DNHD1: variants seen among roughly 807,000 people sequenced by gnomAD.
The protein encoded by DNHD1 is dynein heavy chain domain-containing protein 1.
A neutral mutation model predicts 458.1 loss-of-function variants in DNHD1; 383 were observed. The ratio of observed to expected loss-of-function variants is 0.84; its 90% CI spans 0.77 to 0.91. DNHD1 has a LOEUF of 0.91. Ranked by LOEUF, DNHD1 falls within the 40% of genes least tolerant of loss-of-function variation. The pLI is 0.00. For synonymous variants in DNHD1, 2,203 were observed against 2,376.9 expected, an observed-to-expected ratio of 0.93 and a Z score of 2.13; for missense variants, 5,336 against 5,866.1, an observed-to-expected ratio of 0.91 and a Z score of 2.95.
chr11:6,563,646 C>G, intron 30 of DNHD1, 47 bp from the exon 31 acceptor site: 1 of 1,543,790 alleles, frequency 6.5e-7, no homozygotes, highest in Non-Finnish European at 8.7e-7. Flanking sequence ...GGGTCAAGGT[C>G]CAGAGCATCC....
rs986556679 is a variant in DNHD1 at position 6,546,835 on chromosome 11, G to A, written c.5896G>A (p.Asp1966Asn). 4 of 1,551,690 alleles carry A rather than the reference G, an allele frequency of 2.6e-6. No homozygotes were observed. In the African/African-American group the frequency reaches 5.5e-5, roughly 21 times the overall value. Residue 1966 changes from aspartate (D) to asparagine (N), a missense_variant, in exon 21 of 43, where the codon GAT becomes AAT. Around this residue, in one of 4 missense-constraint regions of DNHD1, gnomAD observed 3,932 missense variants for 4,365.6 expected, o/e 0.90. Coordinates refer to ENST00000254579, the MANE Select transcript of DNHD1 (RefSeq NM_144666.3). ...GGAGGAACTGCAACAGGTAGGTCTG[G>A]ATCCCAGCCCTGACATTTTGGGGTC... ...VVEELQQVGL[D>N]PSPDILGSLE...
At chr11:6,538,978 T>G (rs1177758153) in intron 16 of DNHD1, among the ~76,000 whole-genome samples, 168 bp downstream of exon 16, 1 of 152,232 alleles carries the variant, frequency 6.6e-6, no homozygotes, top group Non-Finnish European at 1.5e-5. Context: ...ACAAAAATTT[T>G]TAACTTCCCT....
chr11:6,520,320 A>T (rs1380507214), intron 10 of DNHD1, 31 bp downstream of exon 10: 1 of 1,551,514 alleles, frequency 6.4e-7, no homozygotes, highest in Non-Finnish European at 8.7e-7. Flanking sequence ...AGGGGGTAGG[A>T]AGGCTGAAGG....
chr11:6,568,823 C>T lies in DNHD1; in HGVS notation c.12820C>T (p.Arg4274Trp), dbSNP rs538629659. The change falls in exon 39 of 43, where the codon CGG (arginine) becomes TGG (tryptophan). Residue 4274 changes from arginine (R) to tryptophan (W), a missense_variant. By Grantham distance (101) the Arg-to-Trp change is moderately radical. Coordinates refer to ENST00000254579, the MANE Select transcript of DNHD1 (RefSeq NM_144666.3). Reference sequence around the variant, plus strand: ...CCTCCTCCATGGCCTCCTGCTACACCGGCAGCTCTATGGAACAAGGCTGCA... The same window carrying T: ...CCTCCTCCATGGCCTCCTGCTACACTGGCAGCTCTATGGAACAAGGCTGCA... ...LLLLHGLLLH[R>W]QLYGTRLQAH... is the part of the protein sequence containing the mutation. The T allele has an allele frequency of 1.1e-5, 17 of 1,612,980 alleles. No homozygotes were observed. The East Asian group carries it at 1.8e-4, about 17-fold the overall frequency.
chr11:6,558,913 T>C lies in DNHD1; in HGVS notation c.9223T>C (p.Tyr3075His), dbSNP rs751316398. Residue 3075 changes from tyrosine to histidine, a missense_variant, in exon 27 of 43, where the codon TAC becomes CAC. By Grantham distance (83) the Tyr-to-His change is moderately conservative (BLOSUM62 2). Around this residue, in one of 4 missense-constraint regions of DNHD1, gnomAD observed 3,932 missense variants for 4,365.6 expected, o/e 0.90. Coordinates refer to ENST00000254579, the MANE Select transcript of DNHD1 (RefSeq NM_144666.3). The stretch of plus-strand genomic sequence containing the variant: ...CATGCCCATTGCAGGCTCCTGGAAG[T>C]ACCCAGACCTCCAGGCCTCAATTCC... ...SVPLDDGSWK[Y>H]PDLQASIPSV... The C allele has an allele frequency of 6.4e-7, 1 of 1,551,674 alleles. No individual in the cohort carries two copies. Among genetic ancestry groups the C allele is most frequent in the Non-Finnish European group, 8.7e-7 (1 of 1,146,984 alleles).
In DNHD1 at chr11:6,563,475, C is replaced by T. The variant is rs796194101; in HGVS notation, c.9763C>T (p.Arg3255Trp). Residue 3255 changes from arginine (R) to tryptophan (W), a missense_variant, in exon 30 of 43, where the codon CGG becomes TGG. Coordinates refer to ENST00000254579, the MANE Select transcript of DNHD1 (RefSeq NM_144666.3). Reference sequence around the variant, plus strand: ...TCGAGCACCACCAGAATCTGTGGTCCGGGTAACTGATGCAATGTGTGACTT... The same window carrying T: ...TCGAGCACCACCAGAATCTGTGGTCTGGGTAACTGATGCAATGTGTGACTT... ...SYRAPPESVV[R>W]VTDAMCDLFH... 11 of 1,551,512 alleles carry T rather than the reference C, an allele frequency of 7.1e-6. No homozygotes were observed. In the East Asian group the frequency reaches 9.8e-5, roughly 14 times the overall value.
In DNHD1 at chr11:6,571,479, C is replaced by A; in HGVS notation, c.13911+56C>A. On this transcript the variant is annotated intron_variant, in intron 42 of 42. Coordinates refer to ENST00000254579, the MANE Select transcript of DNHD1 (RefSeq NM_144666.3). The surrounding 1 kb of genome is among the most constrained non-coding windows in gnomAD (Gnocchi z 5.0). ...CCAGTCCCCTCGAAGTCTCTAATTACACCTCGCAGTTACCCCTTCTTGGTG... is the reference window on the plus strand; with the variant it reads ...CCAGTCCCCTCGAAGTCTCTAATTAAACCTCGCAGTTACCCCTTCTTGGTG... 1.3e-6 allele frequency: 2 copies of A among 1,492,518 alleles called. No individual in the cohort carries two copies. The highest frequency in any genetic ancestry group is 1.8e-6 in the Non-Finnish European group (2 of 1,115,084). The allele number at this position is 1,492,518 out of a possible 1,614,324, so 92.5% of individuals were successfully genotyped here. A position where few individuals can be genotyped will look rare whatever the true frequency, so the allele number is the denominator to read the frequency against.
intron 10 of DNHD1, chr11:6,520,537 T>C (rs1852585248): frequency 1.5e-6 from 2 of 1,339,966 alleles, no homozygotes; most frequent in African/African-American, 1.5e-5. Flanking sequence ...AGAGTGTGAG[T>C]ACATTGTCCT....
chr11:6,517,732 T>C (rs1852513407), intron 7 of DNHD1, among the ~76,000 whole-genome samples: 1 of 126,968 alleles, frequency 7.9e-6, no homozygotes, highest in African/African-American at 2.8e-5. Flanking sequence ...CATGATCTAA[T>C]CACCTCCCCA....
Position 6,497,977 on chromosome 11 carries a change from C to G in DNHD1, c.-239C>G. On this transcript the variant is annotated 5_prime_UTR_variant, in exon 3 of 43. Coordinates refer to ENST00000254579, the MANE Select transcript of DNHD1 (RefSeq NM_144666.3). ...GAGGGCCTGAGGGTCTCAGGAAAGG[C>G]TCTCTGCTGGTCTGGCTCTGCTCTG... is the stretch of plus-strand genomic sequence containing the variant. 7.0e-6 allele frequency: 4 copies of G among 573,822 alleles called. No homozygotes were observed. Among genetic ancestry groups the G allele is most frequent in the Non-Finnish European group, 1.2e-5 (4 of 323,738 alleles). 35.5% of individuals were successfully genotyped at this position (573,822 alleles called of 1,614,324 possible). A position where few individuals can be genotyped will look rare whatever the true frequency, so the allele number is the denominator to read the frequency against.
intron 18 of DNHD1, 47 bp downstream of exon 18, chr11:6,540,130 C>A: frequency 1.4e-6 from 2 of 1,475,792 alleles, no homozygotes; most frequent in South Asian, 1.2e-5. Flanking sequence ...TGCTGGGGGC[C>A]ATTTTCATCC....
chr11:6,551,439 A>G (rs1350733706), intron 24 of DNHD1, among the ~76,000 whole-genome samples: 1 of 152,208 alleles, frequency 6.6e-6, no homozygotes, highest in Admixed American at 6.5e-5. Flanking sequence ...AAGCAATTAA[A>G]AGGAAATCAA....
intron 33 of DNHD1, 122 bp downstream of exon 33, chr11:6,566,113 T>C: frequency 1.4e-6 from 2 of 1,473,952 alleles, no homozygotes; most frequent in Non-Finnish European, 1.8e-6. Flanking sequence ...ACTAACTATA[T>C]TGAAGCGTCT....
At chr11:6,525,754 C>G (rs1565002481) in intron 10 of DNHD1, among the ~76,000 whole-genome samples, 1 of 152,140 alleles carries the variant, frequency 6.6e-6, no homozygotes, top group Non-Finnish European at 1.5e-5. Flanking sequence ...CTTTGTGTAT[C>G]TTAAATATGT....
chr11:6,548,490 C>G lies in DNHD1; in HGVS notation c.7098+88C>G, dbSNP rs966677068. ...ATGTTCAAAGATCAGCTGAGGCCCA[C>G]TTGCTCCCTTTCTTTGATATATTTT... On this transcript the variant is annotated intron_variant, in intron 23 of 42. Coordinates refer to ENST00000254579, the MANE Select transcript of DNHD1 (RefSeq NM_144666.3). This position sits in a 1 kb window ranked among gnomAD's most constrained non-coding sequence, Gnocchi z 4.4. 4.1e-6 allele frequency: 6 copies of G among 1,463,266 alleles called. No homozygotes were observed. Among genetic ancestry groups the G allele is most frequent in the Non-Finnish European group, 3.7e-6 (4 of 1,082,536 alleles). The allele number at this position is 1,463,266 out of a possible 1,614,324, so 90.6% of individuals were successfully genotyped here. A position where few individuals can be genotyped will look rare whatever the true frequency, so the allele number is the denominator to read the frequency against.
At chr11:6,520,710 G>T in intron 10 of DNHD1, 1 of 1,015,404 alleles carries the variant, frequency 9.8e-7, no homozygotes, top group East Asian at 8.8e-5. Context: ...CATTTCATAT[G>T]GATTAATTCA....
chr11:6,548,992 C>T lies in DNHD1; in HGVS notation c.7387+59C>T. 1 of 1,500,070 alleles carries T rather than the reference C, an allele frequency of 6.7e-7. No individual in the cohort carries two copies. Among genetic ancestry groups the T allele is most frequent in the East Asian group, 2.5e-5 (1 of 40,720 alleles). 92.9% of individuals were successfully genotyped at this position (1,500,070 alleles called of 1,614,324 possible). Reference sequence around the variant, plus strand: ...CTGTCATCTCTTGAGACTATAAAATCCCTAGCAATATTCATTGACTCTCAA... The same window carrying T: ...CTGTCATCTCTTGAGACTATAAAATTCCTAGCAATATTCATTGACTCTCAA... On this transcript the variant is annotated intron_variant, in intron 24 of 42. Coordinates refer to ENST00000254579, the MANE Select transcript of DNHD1 (RefSeq NM_144666.3). The surrounding 1 kb of genome is among the most constrained non-coding windows in gnomAD (Gnocchi z 4.4).
chr11:6,557,225 G>A lies in DNHD1; in HGVS notation c.7930G>A (p.Val2644Met), dbSNP rs1178833080. Residue 2644 changes from valine to methionine, a missense_variant, in exon 25 of 43, where the codon GTG (valine) becomes ATG (methionine). Val to Met is a conservative substitution (Grantham distance 21). Around this residue, in one of 4 missense-constraint regions of DNHD1, gnomAD observed 3,932 missense variants for 4,365.6 expected, o/e 0.90. Transcript: ENST00000254579. Reference protein sequence around the residue: ...LTVMMATRNVVRLWLHEAQRT... With the variant: ...LTVMMATRNVMRLWLHEAQRT... ...CGTTATGATGGCCACACGCAATGTGGTGCGTCTTTGGTTGCATGAGGCACA... is the reference window on the plus strand; with the variant it reads ...CGTTATGATGGCCACACGCAATGTGATGCGTCTTTGGTTGCATGAGGCACA... 2 of 1,551,604 alleles carry A rather than the reference G, an allele frequency of 1.3e-6. No homozygotes were observed. The highest frequency in any genetic ancestry group is 3.9e-5 in the Admixed American group (2 of 51,010).
chr11:6,498,307 G>A lies in DNHD1; in HGVS notation c.92G>A (p.Ser31Asn). Residue 31 changes from serine to asparagine, a missense_variant, in exon 3 of 43, where the codon AGC (serine) becomes AAC (asparagine). By Grantham distance (46) the Ser-to-Asn change is conservative. This residue lies in a region of DNHD1 where 3,932 missense variants were observed against 4,365.6 expected (regional missense o/e 0.90). Transcript: ENST00000254579. ...TGGCACTCCATATGTGTCTTGGACA[G>A]CAAAGAACAGCCCTTGGCCTGCCAG... ...KSWHSICVLDSKEQPLACQQK... is the reference protein window; with the variant it reads ...KSWHSICVLDNKEQPLACQQK... 1 of 1,614,224 alleles carries A rather than the reference G, an allele frequency of 6.2e-7. No homozygotes were observed. The highest frequency in any genetic ancestry group is 8.5e-7 in the Non-Finnish European group (1 of 1,180,048).
Sources: gnomAD v4.1 joint callset for allele counts (sites outside exome capture counted in the v4.1 genomes callset) on GRCh38, gnomAD v4.1.1 for gene constraint, gnomAD v4.1.1 regional missense constraint, Gnocchi (gnomAD v3.1) non-coding constraint, MANE v1.5 for transcripts, NCBI Gene and HGNC (gene_info 2026-07-23, HGNC 2026-07-21) for gene names.